The following ROPN1L variants were observed in gnomAD, a reference collection of about 807,000 sequenced individuals.
ROPN1L encodes the protein ropporin-1-like protein.
ROPN1L carries 23 observed loss-of-function variants against 22.7 expected under a neutral mutation model. That is an observed-to-expected ratio of 1.01 (90% confidence interval 0.73 to 1.43). The LOEUF (loss-of-function observed/expected upper bound fraction) is 1.43, where lower values mean the gene tolerates loss of function less well. Ranked by LOEUF, ROPN1L falls within the 40% of genes most tolerant of loss-of-function variation. ROPN1L has a pLI of 0.00. For synonymous variants in ROPN1L, 116 were observed against 117.8 expected, an observed-to-expected ratio of 0.98 and a Z score of 0.10; for missense variants, 271 against 291.5, an observed-to-expected ratio of 0.93 and a Z score of 0.51.
intron 3 of ROPN1L, among the ~76,000 whole-genome samples, chr5:10,454,693 C>A (rs757213535): frequency 6.6e-6 from 1 of 152,236 alleles, no homozygotes; most frequent in Non-Finnish European, 1.5e-5. Flanking sequence ...ACCACAGATG[C>A]ACACGTGTCT....
intron 4 of ROPN1L, among the ~76,000 whole-genome samples, chr5:10,461,753 A>G (rs1735034945): frequency 6.6e-6 from 1 of 152,176 alleles, no homozygotes; most frequent in Non-Finnish European, 1.5e-5. Context: ...TCCTTGGGTC[A>G]ATTAATTTGC....
intron 3 of ROPN1L, among the ~76,000 whole-genome samples, chr5:10,450,753 C>A (rs1449382259): frequency 6.6e-6 from 1 of 152,192 alleles, no homozygotes; most frequent in Non-Finnish European, 1.5e-5. Flanking sequence ...ATCTGCCCAC[C>A]TTGGCCTCCC....
chr5:10,442,119 C>G lies in ROPN1L; in HGVS notation c.-49C>G, dbSNP rs1195752236. The G allele has an allele frequency of 3.2e-6, 5 of 1,582,448 alleles. No individual in the cohort carries two copies. Among genetic ancestry groups the G allele is most frequent in the South Asian group, 2.2e-5 (2 of 89,098 alleles). Reference sequence around the variant, plus strand: ...GTCGTAGCCGACAGCCGCCCTTCTTCCTCGCAGCGCGCCGCGATTCACCAG... The same window carrying G: ...GTCGTAGCCGACAGCCGCCCTTCTTGCTCGCAGCGCGCCGCGATTCACCAG... On this transcript the variant is annotated 5_prime_UTR_variant, in exon 1 of 5. Transcript: ENST00000274134.
chr5:10,469,479 C>A (rs958998197), downstream of ROPN1L, among the ~76,000 whole-genome samples: 10 of 152,134 alleles, frequency 6.6e-5, no homozygotes, highest in Non-Finnish European at 1.3e-4. Flanking sequence ...AGAGTGAGAT[C>A]CCGTCTCAAA....
At chr5:10,464,428 G>A (rs1318910565) in intron 4 of ROPN1L, among the ~76,000 whole-genome samples, 3 of 152,144 alleles carry the variant, frequency 2.0e-5, no homozygotes, top group East Asian at 3.8e-4. Context: ...TGCCCGATCC[G>A]CGCACCTCTT....
Position 10,442,072 on chromosome 5 carries a change from G to A in ROPN1L, c.-96G>A, listed in dbSNP as rs1740896566. On this transcript the variant is annotated 5_prime_UTR_variant, in exon 1 of 5. Transcript: ENST00000274134. The stretch of plus-strand genomic sequence containing the variant: ...GGAGGCGGCCCTGGCCGCAAGCCCC[G>A]CGCTGCTAGCGGGTCCACCGCGTCG... The A allele has an allele frequency of 6.6e-7, 1 of 1,520,786 alleles. No homozygotes were observed. The highest frequency in any genetic ancestry group is 1.9e-5 in the Admixed American group (1 of 52,916). 94.2% of individuals were successfully genotyped at this position (1,520,786 alleles called of 1,614,324 possible).
chr5:10,463,203 G>A (rs927145765), intron 4 of ROPN1L, among the ~76,000 whole-genome samples: 1 of 152,218 alleles, frequency 6.6e-6, no homozygotes, highest in Non-Finnish European at 1.5e-5. Flanking sequence ...ATATTGTCCA[G>A]TGTTCTGATC....
downstream of ROPN1L, among the ~76,000 whole-genome samples, chr5:10,467,696 G>A (rs1221862463): frequency 1.3e-5 from 2 of 152,220 alleles, no homozygotes; most frequent in Non-Finnish European, 2.9e-5. Context: ...GCTCTGTGCT[G>A]AGGAGCAAAA....
intron 3 of ROPN1L, among the ~76,000 whole-genome samples, chr5:10,456,732 A>G (rs1741432732): frequency 6.6e-6 from 1 of 152,188 alleles, no homozygotes; most frequent in African/African-American, 2.4e-5. Context: ...ATCCTTCTGG[A>G]TATAAAAATT....
intron 3 of ROPN1L, among the ~76,000 whole-genome samples, chr5:10,454,059 C>A (rs1741341436): frequency 6.6e-6 from 1 of 152,170 alleles, no homozygotes; most frequent in South Asian, 2.1e-4. Context: ...AGATTCCTGT[C>A]CTCTTTCTCA....
chr5:10,468,112 A>T (rs979968785), downstream of ROPN1L, among the ~76,000 whole-genome samples: 2 of 151,702 alleles, frequency 1.3e-5, no homozygotes, highest in African/African-American at 2.4e-5. Context: ...GTTCCTGGTC[A>T]CTCTCGGCTC....
downstream of ROPN1L, among the ~76,000 whole-genome samples, chr5:10,466,444 C>A (rs1280622539): frequency 6.6e-6 from 1 of 152,206 alleles, no homozygotes; most frequent in African/African-American, 2.4e-5. Flanking sequence ...TGCAACACAG[C>A]ATCACTGGGC....
Position 10,464,827 on chromosome 5 carries a change from CTT to C in ROPN1L, c.594-19_594-18del, listed in dbSNP as rs775801739. On this transcript the variant is annotated intron_variant, in intron 4 of 4. Coordinates refer to ENST00000274134, the MANE Select transcript of ROPN1L (RefSeq NM_031916.5). ...ATGATGAGAAATTACCAATAAATAT[CTT>C]TATCTGTTTCCAATTTAGAGACGCC... 4.1e-5 allele frequency: 58 copies of C among 1,429,984 alleles called. No individual in the cohort carries two copies. In the Middle Eastern group the frequency reaches 6.3e-4, roughly 16 times the overall value. 88.6% of individuals were successfully genotyped at this position (1,429,984 alleles called of 1,614,324 possible). A position where few individuals can be genotyped will look rare whatever the true frequency, so the allele number is the denominator to read the frequency against.
intron 3 of ROPN1L, among the ~76,000 whole-genome samples, chr5:10,460,981 A>G (rs1254748346): frequency 2.0e-5 from 3 of 152,226 alleles, no homozygotes; most frequent in Non-Finnish European, 4.4e-5. Context: ...TTCCTGGTCA[A>G]TTGCACCCCA....
At position 10,442,063 on chromosome 5, in the gene ROPN1L, G is replaced by A. The variant is rs1740896044; in HGVS notation, c.-105G>A. 11 of 1,491,930 alleles carry A rather than the reference G, an allele frequency of 7.4e-6. No individual in the cohort carries two copies. The highest frequency in any genetic ancestry group is 8.2e-6 in the Non-Finnish European group (9 of 1,100,140). 92.4% of individuals were successfully genotyped at this position (1,491,930 alleles called of 1,614,324 possible). A position where few individuals can be genotyped will look rare whatever the true frequency, so the allele number is the denominator to read the frequency against. ...AACGGGATGGGAGGCGGCCCTGGCC[G>A]CAAGCCCCGCGCTGCTAGCGGGTCC... On this transcript the variant is annotated 5_prime_UTR_variant, in exon 1 of 5. Transcript: ENST00000274134.
chr5:10,464,923 A>G lies in ROPN1L; in HGVS notation c.669A>G (p.Glu223=). The G allele has an allele frequency of 1.2e-6, 2 of 1,603,006 alleles. No homozygotes were observed. Among genetic ancestry groups the G allele is most frequent in the African/African-American group, 2.7e-5 (2 of 74,684 alleles). Reference sequence around the variant, plus strand: ...AGAGGAAACTTTTAGAAAGCATTGAAAACTCTGAAGATGTAGGCCATTAAT... The same window carrying G: ...AGAGGAAACTTTTAGAAAGCATTGAGAACTCTGAAGATGTAGGCCATTAAT... ...FPKRKLLESI[E]NSEDVGH Residue 223 remains glutamate, a synonymous_variant, in exon 5 of 5, where the codon GAA becomes GAG. Transcript: ENST00000274134.
At chr5:10,466,279 T>A (rs548202592), downstream of ROPN1L, among the ~76,000 whole-genome samples, 2 of 152,220 alleles carry the variant, frequency 1.3e-5, no homozygotes, top group South Asian at 4.1e-4. Context: ...GCTTGCTAAG[T>A]GTCCATTTGG....
chr5:10,475,012 A>G (rs1301868758), downstream of ROPN1L, among the ~76,000 whole-genome samples: 1 of 152,262 alleles, frequency 6.6e-6, no homozygotes, highest in Non-Finnish European at 1.5e-5. Context: ...AATGTGTTCC[A>G]GATGGGAATG....
rs1357002187 is a variant in ROPN1L, at chr5:10,461,061, C to A, written c.418-123C>A. 7.4e-6 allele frequency: 6 copies of A among 809,068 alleles called. No homozygotes were observed. In the Admixed American group the frequency reaches 8.5e-5, roughly 11 times the overall value. 50.1% of individuals were successfully genotyped at this position (809,068 alleles called of 1,614,324 possible). On this transcript the variant is annotated intron_variant, in intron 3 of 4. Coordinates refer to ENST00000274134, the MANE Select transcript of ROPN1L (RefSeq NM_031916.5). Reference sequence around the variant, plus strand: ...CACCTAGTTCTCAGTTCAGATGGAGCACATACTTTTTGGAGAATTTCTGTC... The same window carrying A: ...CACCTAGTTCTCAGTTCAGATGGAGAACATACTTTTTGGAGAATTTCTGTC...
Sources: allele counts gnomAD v4.1 joint callset (sites outside exome capture counted in the v4.1 genomes callset), GRCh38; gene constraint gnomAD v4.1.1; transcripts MANE v1.5; gene names NCBI Gene and HGNC (gene_info 2026-07-23, HGNC 2026-07-21).